The following TSPAN7 variants were observed in gnomAD, a reference collection of about 807,000 sequenced individuals.
TSPAN7 encodes the protein tetraspanin-7.
TSPAN7 carries 1 observed loss-of-function variant against 17.6 expected under a neutral mutation model. The observed-to-expected ratio is 0.06, with a 90% CI of 0.02 to 0.27. TSPAN7 has a LOEUF of 0.27. TSPAN7 is among the 10% of genes least tolerant of loss of function. The probability of loss-of-function intolerance (pLI) is 1.00; values close to 1 mark genes in which losing one functional copy is unlikely to be tolerated. For synonymous variants in TSPAN7, 78 were observed against 79.0 expected, an observed-to-expected ratio of 0.99 and a Z score of 0.07; for missense variants, 112 against 201.7, an observed-to-expected ratio of 0.56 and a Z score of 2.69.
chrX:38,577,558 G>T (rs1044598550), intron 1 of TSPAN7, among the ~76,000 whole-genome samples: 1 of 104,359 alleles, frequency 9.6e-6, no homozygotes, highest in Non-Finnish European at 1.9e-5. Flanking sequence ...GCAAACTATC[G>T]CAAGGACAAA....
chrX:38,671,323 C>T, intron 2 of TSPAN7, 53 bp from the exon 3 acceptor site: 3 of 1,133,568 alleles, frequency 2.6e-6, no homozygotes, highest in Non-Finnish European at 3.6e-6. Flanking sequence ...CTGAAGAAGC[C>T]CTCTTCTTAA....
At chrX:38,687,457 G>T (rs936272714) in intron 6 of TSPAN7, 142 bp from the exon 7 acceptor site, 3 of 475,339 alleles carry the variant, frequency 6.3e-6, no homozygotes, top group Non-Finnish European at 1.0e-5. Context: ...AGAAACACTT[G>T]GTTGTTAAAA....
intron 1 of TSPAN7, among the ~76,000 whole-genome samples, chrX:38,593,876 G>T (rs2069305074): frequency 8.9e-6 from 1 of 112,190 alleles, no homozygotes. Context: ...AGCACAAAAT[G>T]AACTAAAACA....
intron 1 of TSPAN7, among the ~76,000 whole-genome samples, chrX:38,582,267 G>C (rs780618287): frequency 7.1e-4 from 80 of 112,336 alleles, no homozygotes; most frequent in Non-Finnish European, 1.3e-3. Context: ...CTCTTTTTCT[G>C]CTTGTAAGAC....
intron 1 of TSPAN7, among the ~76,000 whole-genome samples, chrX:38,657,404 TCCATTTTTACCACTTCATGGGC>T (rs1938647242): frequency 9.0e-6 from 1 of 111,590 alleles, no homozygotes; most frequent in South Asian, 3.8e-4. Flanking sequence ...ACCATATGGG[TCCATTTTTACCACTTCATGGGC>T]CCACAGGACA....
chrX:38,561,834 C>T lies in TSPAN7; in HGVS notation c.81+207C>T, dbSNP rs2069112873. ...CTGGAACCCTAGACCTCGCTCCGCGCAGGCTGCAAGGGGCTGCGGAGTGTC... is the reference window on the plus strand; with the variant it reads ...CTGGAACCCTAGACCTCGCTCCGCGTAGGCTGCAAGGGGCTGCGGAGTGTC... On this transcript the variant is annotated intron_variant, in intron 1 of 7. Transcript: ENST00000378482. 2.7e-5 allele frequency among the ~76,000 whole-genome samples: 3 copies of T among 111,351 alleles called. No homozygotes were observed. The South Asian group carries it at 1.2e-3, about 43-fold the overall frequency.
chrX:38,628,725 T>A (rs1199831436), intron 1 of TSPAN7, among the ~76,000 whole-genome samples: 1 of 112,182 alleles, frequency 8.9e-6, no homozygotes, highest in Non-Finnish European at 1.9e-5. Context: ...AAAACTGAGT[T>A]ATTTATCAAT....
chrX:38,570,270 A>G (rs1179371440), intron 1 of TSPAN7, among the ~76,000 whole-genome samples: 3 of 111,970 alleles, frequency 2.7e-5, no homozygotes, highest in African/African-American at 9.7e-5. Flanking sequence ...CTTCATGGTT[A>G]TTATGGGACT....
chrX:38,605,112 G>A (rs766820806), intron 1 of TSPAN7, among the ~76,000 whole-genome samples: 78 of 109,385 alleles, frequency 7.1e-4, no homozygotes, highest in Middle Eastern at 4.7e-3. Context: ...AAAAGAGGAA[G>A]TCAAATTGTC....
intron 6 of TSPAN7, among the ~76,000 whole-genome samples, chrX:38,685,991 G>T (rs1010414254): frequency 4.5e-5 from 5 of 111,906 alleles, no homozygotes; most frequent in African/African-American, 1.3e-4. Flanking sequence ...GGTGTTTGTT[G>T]GTTCTGGAAA....
At chrX:38,575,984 G>A (rs775448502) in intron 1 of TSPAN7, among the ~76,000 whole-genome samples, 9 of 112,194 alleles carry the variant, frequency 8.0e-5, no homozygotes, top group Non-Finnish European at 1.5e-4. Flanking sequence ...TAGAGAAGTG[G>A]TAGGCAAACG....
intron 4 of TSPAN7, among the ~76,000 whole-genome samples, chrX:38,674,577 C>G (rs2069841216): frequency 8.9e-6 from 1 of 111,828 alleles, no homozygotes; most frequent in African/African-American, 3.3e-5. Flanking sequence ...ATTTGCTCTT[C>G]AGATCTGAAC....
At chrX:38,604,559 A>G (rs1219649560) in intron 1 of TSPAN7, among the ~76,000 whole-genome samples, 1 of 111,237 alleles carries the variant, frequency 9.0e-6, no homozygotes, top group Non-Finnish European at 1.9e-5. Flanking sequence ...AATGATTGCC[A>G]TTCTAACTGG....
chrX:38,632,101 A>T (rs1243540349), intron 1 of TSPAN7, among the ~76,000 whole-genome samples: 1 of 111,613 alleles, frequency 9.0e-6, no homozygotes, highest in East Asian at 2.8e-4. Flanking sequence ...TGATTCTAAA[A>T]TTAGACTTGT....
intron 1 of TSPAN7, among the ~76,000 whole-genome samples, chrX:38,645,751 A>G (rs145182919): frequency 5.0e-3 from 564 of 112,076 alleles, no homozygotes; most frequent in Non-Finnish European, 6.2e-3. Flanking sequence ...GAGGCAATTC[A>G]GAACATAAAA....
At chrX:38,670,738 G>A (rs1213573186) in intron 2 of TSPAN7, among the ~76,000 whole-genome samples, 2 of 112,580 alleles carry the variant, frequency 1.8e-5, no homozygotes, top group Non-Finnish European at 3.7e-5. Context: ...CGTTTGCCTA[G>A]GCAGCAGGTT....
chrX:38,613,764 C>T (rs1004346990), intron 1 of TSPAN7, among the ~76,000 whole-genome samples: 19 of 110,753 alleles, frequency 1.7e-4, no homozygotes, highest in African/African-American at 6.3e-4. Flanking sequence ...GATAGGTACC[C>T]TATGTTTTAC....
chrX:38,634,890 A>G (rs757556368), intron 1 of TSPAN7, among the ~76,000 whole-genome samples: 1 of 110,333 alleles, frequency 9.1e-6, no homozygotes, highest in Non-Finnish European at 1.9e-5. Flanking sequence ...GCTCATGTGC[A>G]TAACCTGATA....
At chrX:38,568,697 C>T (rs2069155114) in intron 1 of TSPAN7, among the ~76,000 whole-genome samples, 1 of 111,100 alleles carries the variant, frequency 9.0e-6, no homozygotes, top group South Asian at 3.8e-4. Flanking sequence ...CAATCTGGTC[C>T]TTGAGTTTGG....
Sources: allele counts gnomAD v4.1 joint callset (sites outside exome capture counted in the v4.1 genomes callset), GRCh38; gene constraint gnomAD v4.1.1; transcripts MANE v1.5; gene names NCBI Gene and HGNC (gene_info 2026-07-23, HGNC 2026-07-21).